GRIP2: variants seen among roughly 807,000 people sequenced by gnomAD.
GRIP2 encodes glutamate receptor interacting protein 2.
Under a neutral mutation model 108.3 loss-of-function variants are expected in GRIP2, and 58 were observed. The ratio of observed to expected loss-of-function variants is 0.54; its 90% CI spans 0.43 to 0.67. The LOEUF is 0.67. GRIP2 is among the 30% of genes least tolerant of loss of function. The pLI is 0.00. For synonymous variants in GRIP2, 586 were observed against 598.2 expected (o/e 0.98, Z 0.30); for missense variants, 1,278 against 1,430.6 (o/e 0.89, Z 1.72).
At chr3:14,508,913 T>C (rs1694004634) in intron 17 of GRIP2, among the ~76,000 whole-genome samples, 1 of 152,190 alleles carries the variant, frequency 6.6e-6, no homozygotes, top group Admixed American at 6.5e-5. Context: ...TGGACAGCAC[T>C]GAGCTACATC....
At position 14,533,134 on chromosome 3, in the gene GRIP2, C is replaced by T. The variant is rs1056444097; in HGVS notation, c.40+7135G>A. ...TCAGCCACCACGGATTCAGGCGACA[C>T]CCCATTAAGTATAATGCCTCCCATT... On this transcript the variant is annotated intron_variant, in intron 1 of 23. Coordinates refer to ENST00000621039, the MANE Select transcript of GRIP2 (RefSeq NM_001080423.4). Among the ~76,000 whole-genome samples the T allele has an allele frequency of 3.9e-5, 6 of 152,236 alleles. No homozygotes were observed. The East Asian group carries it at 7.7e-4, about 20-fold the overall frequency.
the GRIP2 span, among the ~76,000 whole-genome samples, chr3:14,571,560 G>A: frequency 6.6e-6 from 1 of 152,210 alleles, no homozygotes; most frequent in Non-Finnish European, 1.5e-5. Flanking sequence ...GCTCCCGACA[G>A]AGAAGGGCCT....
At chr3:14,594,198 T>C in the GRIP2 span, among the ~76,000 whole-genome samples, 1 of 152,196 alleles carries the variant, frequency 6.6e-6, no homozygotes, top group Non-Finnish European at 1.5e-5. Flanking sequence ...CTGACTCTGG[T>C]CTGTCCCTAT....
chr3:14,530,989 C>A (rs532097849), intron 1 of GRIP2: 1 of 151,998 alleles, frequency 6.6e-6, no homozygotes, highest in African/African-American at 2.4e-5. Flanking sequence ...TGCAAAACTA[C>A]GGAAGACTTC....
intron 1 of GRIP2, among the ~76,000 whole-genome samples, chr3:14,553,443 CT>C (rs940719307): frequency 2.0e-5 from 3 of 152,160 alleles, no homozygotes; most frequent in African/African-American, 7.2e-5. Flanking sequence ...TGCTCCCCTC[CT>C]TATCTACCTG....
chr3:14,510,527 A>G (rs1694057338), intron 16 of GRIP2, among the ~76,000 whole-genome samples: 1 of 152,100 alleles, frequency 6.6e-6, no homozygotes, highest in Non-Finnish European at 1.5e-5. Flanking sequence ...GGCCTCCCAA[A>G]GTGAGGGGTG....
At chr3:14,571,816 T>G in the GRIP2 span, among the ~76,000 whole-genome samples, 1 of 152,120 alleles carries the variant, frequency 6.6e-6, no homozygotes, top group Non-Finnish European at 1.5e-5. Flanking sequence ...CCAGGTGGTG[T>G]TGATACACAG....
rs140960149 is a variant in GRIP2 at position 14,539,889 on chromosome 3, C to T, written c.40+380G>A. The stretch of plus-strand genomic sequence containing the variant: ...CTTGCCCATGGGCCTTGGGCTCTCA[C>T]CCCTCTGGGTCGGACACTCACTCCC... On this transcript the variant is annotated intron_variant, in intron 1 of 23. Transcript: ENST00000621039. Among the ~76,000 whole-genome samples the T allele has an allele frequency of 9.8e-5, 15 of 152,298 alleles. No homozygotes were observed. In the East Asian group the frequency reaches 1.2e-3, roughly 12 times the overall value.
At chr3:14,529,367 T>TGCAGTATTTA (rs1159578995) in intron 1 of GRIP2, among the ~76,000 whole-genome samples, 1 of 152,202 alleles carries the variant, frequency 6.6e-6, no homozygotes, top group African/African-American at 2.4e-5. Flanking sequence ...ATTAACACTT[T>TGCAGTATTTA]GCAGTATTTA....
rs1694165065 is a variant in GRIP2 at position 14,513,697 on chromosome 3, T to C, written c.1607A>G (p.Lys536Arg). ...QLLRDAALAH[K>R]VVLEVEFDVA... ...ATCGAACTCCACCTCCAGCACGACC[T>C]TGTGGGCCAGTGCGGCGTCCCGCAG... The change falls in exon 13 of 24, where the codon AAG becomes AGG. Residue 536 changes from lysine (K) to arginine (R), a missense_variant. Coordinates refer to ENST00000621039, the MANE Select transcript of GRIP2 (RefSeq NM_001080423.4). 1 of 1,610,784 alleles carries C rather than the reference T, an allele frequency of 6.2e-7. No homozygotes were observed. The highest frequency in any genetic ancestry group is 1.3e-5 in the African/African-American group (1 of 74,856).
At chr3:14,553,123 T>C (rs1316091874) in intron 1 of GRIP2, among the ~76,000 whole-genome samples, 5 of 105,280 alleles carry the variant, frequency 4.7e-5, no homozygotes, top group African/African-American at 1.1e-4. Context: ...TTTTTTTTTT[T>C]CAGAGACGGA....
At chr3:14,597,384 A>G in the GRIP2 span, among the ~76,000 whole-genome samples, 1 of 152,234 alleles carries the variant, frequency 6.6e-6, no homozygotes, top group Non-Finnish European at 1.5e-5. Context: ...CATGCATGGC[A>G]TGCTAAAACC....
At chr3:14,582,589 T>C in the GRIP2 span, among the ~76,000 whole-genome samples, 1 of 152,208 alleles carries the variant, frequency 6.6e-6, no homozygotes, top group Non-Finnish European at 1.5e-5. Context: ...CCAGAGCCAC[T>C]TCACCTTATT....
intron 11 of GRIP2, 84 bp from the exon 12 acceptor site, chr3:14,514,562 G>A (rs892126216): frequency 7.2e-7 from 1 of 1,383,532 alleles, no homozygotes; most frequent in East Asian, 2.5e-5. Context: ...GGGGCCCTAG[G>A]CACTGGAGCC....
upstream of GRIP2, among the ~76,000 whole-genome samples, chr3:14,559,384 G>A (rs1297725352): frequency 6.6e-6 from 1 of 150,890 alleles, no homozygotes; most frequent in African/African-American, 2.4e-5. Flanking sequence ...ACCCTGGTGG[G>A]TCTGGTAAAT....
At chr3:14,573,752 A>G in the GRIP2 span, 19 of 1,514,530 alleles carry the variant, frequency 1.3e-5, no homozygotes, top group Non-Finnish European at 1.7e-5. Context: ...AGGGCTCATC[A>G]TATACCCTGG....
chr3:14,562,813 G>A, the GRIP2 span, among the ~76,000 whole-genome samples: 5 of 152,214 alleles, frequency 3.3e-5, no homozygotes, highest in African/African-American at 1.2e-4. Context: ...ACGTGCGCCA[G>A]ATGGGATGTG....
At chr3:14,502,409 A>G (rs1056740103) in intron 21 of GRIP2, among the ~76,000 whole-genome samples, 1 of 151,766 alleles carries the variant, frequency 6.6e-6, no homozygotes, top group Non-Finnish European at 1.5e-5. Flanking sequence ...CATGAGAATC[A>G]CTTGAACCCA....
chr3:14,509,924 C>G lies in GRIP2; in HGVS notation c.1974G>C (p.Glu658Asp). ...ETTGAVSYTV[E>D]LKRYGGPLGI... is the part of the protein sequence containing the mutation. ...CCAGGGGACCCCCGTAGCGCTTCAG[C>G]TCCACTGTGTAACTGACGGCACCTG... Residue 658 changes from glutamate (E) to aspartate (D), a missense_variant, in exon 17 of 24, where the codon GAG (glutamate) becomes GAC (aspartate). By Grantham distance (45) the Glu-to-Asp change is conservative. Coordinates refer to ENST00000621039, the MANE Select transcript of GRIP2 (RefSeq NM_001080423.4). 6.4e-7 allele frequency: 1 copy of G among 1,553,212 alleles called. No homozygotes were observed. The highest frequency in any genetic ancestry group is 2.4e-5 in the East Asian group (1 of 41,046).
Sources: gnomAD v4.1 joint callset for allele counts (sites outside exome capture counted in the v4.1 genomes callset) on GRCh38, gnomAD v4.1.1 for gene constraint, MANE v1.5 for transcripts, NCBI Gene and HGNC (gene_info 2026-07-23, HGNC 2026-07-21) for gene names.